Variants in CSMD3 observed in about 807,000 individuals in gnomAD.
CSMD3 encodes CUB and sushi domain-containing protein 3.
Under a neutral mutation model 435.2 loss-of-function variants are expected in CSMD3, and 177 were observed. That is an observed-to-expected ratio of 0.41 (90% CI 0.36 to 0.46). CSMD3 has a LOEUF of 0.46. Among genes scored for constraint, CSMD3 ranks in the 20% least tolerant of loss-of-function variants. The pLI, the probability that CSMD3 is intolerant of heterozygous loss-of-function variation, is 0.34. For missense variants in CSMD3, 4,265 were observed against 4,504.6 expected (o/e 0.95, Z 1.52); for synonymous variants, 1,656 against 1,520.5 (o/e 1.09, Z -2.07).
intron 35 of CSMD3, among the ~76,000 whole-genome samples, chr8:112,391,047 A>G (rs1016876076): frequency 1.3e-5 from 2 of 152,198 alleles, no homozygotes; most frequent in African/African-American, 4.8e-5. Flanking sequence ...ACAGCATAGT[A>G]TTTGTATTAT....
chr8:112,765,547 T>G (rs2077957412), intron 13 of CSMD3, among the ~76,000 whole-genome samples: 1 of 151,710 alleles, frequency 6.6e-6, no homozygotes, highest in Admixed American at 6.6e-5. Flanking sequence ...TCGTTTTCTA[T>G]ATGAGTGTCA....
intron 13 of CSMD3, among the ~76,000 whole-genome samples, chr8:112,720,946 A>G (rs1258776081): frequency 2.6e-5 from 4 of 152,196 alleles, no homozygotes; most frequent in African/African-American, 9.7e-5. Flanking sequence ...TCATCTCCCA[A>G]TTTCACTGTA....
At chr8:112,251,582 A>G (rs1815268407) in intron 63 of CSMD3, among the ~76,000 whole-genome samples, 1 of 151,786 alleles carries the variant, frequency 6.6e-6, no homozygotes, top group African/African-American at 2.4e-5. Flanking sequence ...TATTTACCTC[A>G]TTCAATATAC....
intron 67 of CSMD3, among the ~76,000 whole-genome samples, chr8:112,236,035 G>C (rs188478238): frequency 6.6e-6 from 1 of 151,662 alleles, no homozygotes; most frequent in Non-Finnish European, 1.5e-5. Context: ...AGTTTCTTTC[G>C]ATTAATATAA....
intron 2 of CSMD3, among the ~76,000 whole-genome samples, chr8:113,281,796 T>C (rs1563647737): frequency 6.6e-6 from 1 of 152,010 alleles, no homozygotes. Flanking sequence ...TTTAAAGAGG[T>C]TCTGTTTGAT....
intron 3 of CSMD3, among the ~76,000 whole-genome samples, chr8:113,239,493 T>C (rs930909403): frequency 2.9e-5 from 4 of 137,668 alleles, no homozygotes; most frequent in African/African-American, 8.8e-5. Context: ...ATGCAGTATG[T>C]AGTTTTATCT....
intron 1 of CSMD3, among the ~76,000 whole-genome samples, chr8:113,324,840 C>T (rs1286310982): frequency 6.6e-6 from 1 of 152,170 alleles, no homozygotes; most frequent in Non-Finnish European, 1.5e-5. Flanking sequence ...CCCTGCAAAG[C>T]CACAGGGGTG....
intron 12 of CSMD3, among the ~76,000 whole-genome samples, chr8:112,818,673 T>C (rs1042270093): frequency 1.3e-5 from 2 of 152,162 alleles, no homozygotes; most frequent in African/African-American, 4.8e-5. Context: ...CTTCTCTGAT[T>C]CTTCCCCTGT....
intron 27 of CSMD3, among the ~76,000 whole-genome samples, chr8:112,531,840 G>T (rs1825568933): frequency 6.6e-6 from 1 of 151,968 alleles, no homozygotes; most frequent in African/African-American, 2.4e-5. Context: ...CAAGCCTCAA[G>T]AACATTCAAG....
At chr8:112,940,424 C>G (rs1217984398) in intron 9 of CSMD3, among the ~76,000 whole-genome samples, 3 of 151,684 alleles carry the variant, frequency 2.0e-5, no homozygotes, top group Non-Finnish European at 4.4e-5. Context: ...GAAAAGGCAT[C>G]AATTAAGGCC....
intron 59 of CSMD3, among the ~76,000 whole-genome samples, chr8:112,273,085 AATCT>A (rs1817676303): frequency 6.6e-6 from 1 of 152,210 alleles, no homozygotes; most frequent in East Asian, 1.9e-4. Context: ...ATTCATAATC[AATCT>A]GTCTTGAATC....
intron 27 of CSMD3, among the ~76,000 whole-genome samples, chr8:112,532,126 T>C (rs879338587): frequency 6.6e-6 from 1 of 151,982 alleles, no homozygotes; most frequent in Non-Finnish European, 1.5e-5. Flanking sequence ...GCAGAATTGA[T>C]TAAGCAGAAG....
chr8:112,667,668 C>T (rs1448596879), intron 16 of CSMD3, among the ~76,000 whole-genome samples: 2 of 151,974 alleles, frequency 1.3e-5, no homozygotes, highest in Admixed American at 6.6e-5. Flanking sequence ...ACTCTGCAGC[C>T]CAGCTACATT....
intron 1 of CSMD3, among the ~76,000 whole-genome samples, chr8:113,426,521 G>T (rs184600233): frequency 3.5e-3 from 533 of 150,668 alleles, no homozygotes; most frequent in Non-Finnish European, 5.7e-3. Context: ...AAACAAAACA[G>T]CCCCATAGAA....
intron 60 of CSMD3, among the ~76,000 whole-genome samples, chr8:112,265,200 C>T (rs1816822585): frequency 6.6e-6 from 1 of 151,602 alleles, no homozygotes; most frequent in Admixed American, 6.6e-5. Context: ...TGTCATTACT[C>T]ACAATAAGAT....
intron 5 of CSMD3, among the ~76,000 whole-genome samples, chr8:113,069,111 A>C (rs2131395365): frequency 6.6e-6 from 1 of 151,948 alleles, no homozygotes. Context: ...CCTCCCTGCC[A>C]AAAAAAACCA....
At chr8:112,380,524 T>A in intron 37 of CSMD3, 68 bp from the exon 38 acceptor site, 1 of 852,566 alleles carries the variant, frequency 1.2e-6, no homozygotes, top group Middle Eastern at 2.4e-4. Flanking sequence ...TTAAGTAAGT[T>A]TACTAATCAG....
intron 22 of CSMD3, among the ~76,000 whole-genome samples, chr8:112,594,716 C>A (rs185375424): frequency 2.6e-5 from 4 of 152,154 alleles, no homozygotes; most frequent in Non-Finnish European, 5.9e-5. Flanking sequence ...CCTGACCCCC[C>A]GAGCAGCCTA....
At chr8:113,386,659 C>T (rs541120933) in intron 1 of CSMD3, among the ~76,000 whole-genome samples, 2 of 151,782 alleles carry the variant, frequency 1.3e-5, no homozygotes, top group East Asian at 3.9e-4. Flanking sequence ...CAAATGGGGA[C>T]TCAATGGCAA....
Sources: allele counts gnomAD v4.1 joint callset (sites outside exome capture counted in the v4.1 genomes callset), GRCh38; gene constraint gnomAD v4.1.1; transcripts MANE v1.5; gene names NCBI Gene and HGNC (gene_info 2026-07-23, HGNC 2026-07-21).